Variants in TENM3 observed in about 807,000 individuals in gnomAD.
The protein encoded by TENM3 is teneurin transmembrane protein 3, also known as teneurin-3.
TENM3 carries 63 observed loss-of-function variants against 255.1 expected under a neutral mutation model. The ratio of observed to expected loss-of-function variants is 0.25; its 90% CI spans 0.20 to 0.30. The LOEUF (loss-of-function observed/expected upper bound fraction) is 0.30, where lower values mean the gene tolerates loss of function less well. TENM3 is among the 10% of genes least tolerant of loss of function. TENM3 has a pLI of 1.00. For missense variants in TENM3, 2,929 were observed against 3,461.1 expected (o/e 0.85, Z 3.86); for synonymous variants, 1,306 against 1,322.3 (o/e 0.99, Z 0.27).
rs201471701 is a variant in TENM3, at chr4:182,790,157, GT to G, written c.5601+771del. Among the ~76,000 whole-genome samples the G allele has an allele frequency of 8.6e-3, 1,313 of 152,302 alleles. 23 individuals are homozygous for G. The highest frequency in any genetic ancestry group is 0.03 in the African/African-American group (1,228 of 41,550). ...CCACCGAAAAGCATATTCATGGAAT[GT>G]TTCATTTGCCTTTGAGACAAAAGTT... On this transcript the variant is annotated intron_variant, in intron 25 of 27. Transcript: ENST00000511685.
intron 3 of TENM3, among the ~76,000 whole-genome samples, chr4:182,480,769 T>G (rs17073358): frequency 0.017 from 2,564 of 152,120 alleles, 96 homozygotes; most frequent in African/African-American, 0.059. Flanking sequence ...GTATTTTAAC[T>G]CTGAATTTAT....
At chr4:182,297,427 CT>C (rs1281892980) in intron 1 of TENM3, among the ~76,000 whole-genome samples, 2 of 152,172 alleles carry the variant, frequency 1.3e-5, no homozygotes, top group African/African-American at 4.8e-5. Flanking sequence ...GAAGGTGCTG[CT>C]TTTTGAATGG....
chr4:182,677,600 T>G (rs1484966727), intron 7 of TENM3, among the ~76,000 whole-genome samples: 1 of 152,144 alleles, frequency 6.6e-6, no homozygotes, highest in Non-Finnish European at 1.5e-5. Flanking sequence ...AGAATAGAAT[T>G]CCAGTCAAAT....
intron 16 of TENM3, among the ~76,000 whole-genome samples, chr4:182,735,338 A>G (rs2152722326): frequency 6.6e-6 from 1 of 152,298 alleles, no homozygotes; most frequent in African/African-American, 2.4e-5. Flanking sequence ...CTGACAGGCC[A>G]GAATGGAAGC....
the TENM3 span, among the ~76,000 whole-genome samples, chr4:181,710,285 C>T: frequency 2.0e-5 from 3 of 152,038 alleles, no homozygotes; most frequent in Non-Finnish European, 4.4e-5. Context: ...ATCAGAAAAG[C>T]GTTTTCCAGG....
At chr4:182,311,365 T>C (rs1762433732) in intron 1 of TENM3, among the ~76,000 whole-genome samples, 8 of 152,252 alleles carry the variant, frequency 5.3e-5, no homozygotes, top group Admixed American at 5.2e-4. Context: ...ATACTGGATC[T>C]GTTGACATCC....
Position 182,744,636 on chromosome 4 carries a change from A to C in TENM3, c.3629+1217A>C, listed in dbSNP as rs1484518040. Among the ~76,000 whole-genome samples the C allele has an allele frequency of 2.6e-5, 4 of 152,358 alleles. No individual in the cohort carries two copies. In the East Asian group the frequency reaches 7.7e-4, roughly 29 times the overall value. On this transcript the variant is annotated intron_variant, in intron 19 of 27. Transcript: ENST00000511685. ...GGCAAATTTTTTAAAACATACGATT[A>C]TGTGAACATGTGGCTTGGCAGAGTG... is the stretch of plus-strand genomic sequence containing the variant.
chr4:181,712,517 G>T, the TENM3 span, among the ~76,000 whole-genome samples: 2 of 152,094 alleles, frequency 1.3e-5, no homozygotes, highest in East Asian at 3.9e-4. Context: ...TTCCTGTACA[G>T]CCTGCAGAAC....
chr4:182,255,778 G>A (rs1412952664), intron 1 of TENM3, among the ~76,000 whole-genome samples: 1 of 152,214 alleles, frequency 6.6e-6, no homozygotes, highest in Admixed American at 6.5e-5. Context: ...TTCTTTCACA[G>A]TCAGTCCTAA....
At chr4:181,507,436 A>G in the TENM3 span, among the ~76,000 whole-genome samples, 1 of 152,238 alleles carries the variant, frequency 6.6e-6, no homozygotes, top group Non-Finnish European at 1.5e-5. Flanking sequence ...GAATCTGTTT[A>G]CGAAACGATT....
At chr4:182,369,702 G>C (rs1384352608) in intron 3 of TENM3, among the ~76,000 whole-genome samples, 1 of 152,030 alleles carries the variant, frequency 6.6e-6, no homozygotes, top group Non-Finnish European at 1.5e-5. Context: ...TCAACATGGT[G>C]AAATTCCATC....
chr4:182,219,301 A>C (rs1005891833), intron 1 of TENM3, among the ~76,000 whole-genome samples: 1 of 152,190 alleles, frequency 6.6e-6, no homozygotes, highest in African/African-American at 2.4e-5. Flanking sequence ...ATGAAGAAAA[A>C]AATTCATTTC....
At chr4:182,274,973 C>T (rs558201326) in intron 1 of TENM3, among the ~76,000 whole-genome samples, 1 of 152,118 alleles carries the variant, frequency 6.6e-6, no homozygotes, top group African/African-American at 2.4e-5. Context: ...TACAGGCACG[C>T]ACCACCACAC....
intron 3 of TENM3, among the ~76,000 whole-genome samples, chr4:182,362,339 C>A (rs1766067280): frequency 6.7e-6 from 1 of 148,908 alleles, no homozygotes; most frequent in Admixed American, 6.8e-5. Flanking sequence ...CCTACAGAGG[C>A]AGGCAGGCCT....
the TENM3 span, among the ~76,000 whole-genome samples, chr4:181,623,136 CA>C: frequency 1.3e-5 from 2 of 152,038 alleles, no homozygotes; most frequent in Non-Finnish European, 2.9e-5. Context: ...ACAAAGTTGA[CA>C]AAAAATTCAG....
chr4:181,452,202 A>G, the TENM3 span, among the ~76,000 whole-genome samples: 1 of 152,238 alleles, frequency 6.6e-6, no homozygotes, highest in Non-Finnish European at 1.5e-5. Context: ...TCTATGGATG[A>G]TAAAGAATAG....
chr4:182,163,404 T>C (rs11132116), intron 1 of TENM3, among the ~76,000 whole-genome samples: 143,993 of 152,188 alleles, frequency 0.95, 68,633 homozygotes, highest in East Asian at 1. Context: ...ATCTCTTAGG[T>C]ACAGTGTGCC....
the TENM3 span, among the ~76,000 whole-genome samples, chr4:181,847,213 G>A: frequency 6.6e-6 from 1 of 152,140 alleles, no homozygotes; most frequent in Admixed American, 6.5e-5. Context: ...GAATACAAGT[G>A]AATTAGTAAT....
chr4:182,557,912 T>C (rs1580930058), intron 3 of TENM3, among the ~76,000 whole-genome samples: 1 of 152,340 alleles, frequency 6.6e-6, no homozygotes, highest in Non-Finnish European at 1.5e-5. Context: ...ACTATCAAAA[T>C]GTCTAACCTG....
Sources: allele counts gnomAD v4.1 joint callset (sites outside exome capture counted in the v4.1 genomes callset), GRCh38; gene constraint gnomAD v4.1.1; transcripts MANE v1.5; gene names NCBI Gene and HGNC (gene_info 2026-07-23, HGNC 2026-07-21).